The following ATP8A2 variants were observed in gnomAD, a reference collection of about 807,000 sequenced individuals.
The protein encoded by ATP8A2 is ATPase phospholipid transporting 8A2.
A neutral mutation model predicts 165.6 loss-of-function variants in ATP8A2; 100 were observed. That is an observed-to-expected ratio of 0.60 (90% confidence interval 0.51 to 0.71). The LOEUF (loss-of-function observed/expected upper bound fraction) is 0.71. Ranked by LOEUF, ATP8A2 falls within the 30% of genes least tolerant of loss-of-function variation. The pLI is 0.00. For missense variants in ATP8A2, 1,227 were observed against 1,479.5 expected (o/e 0.83, Z 2.80); for synonymous variants, 543 against 548.8 (o/e 0.99, Z 0.15).
intron 25 of ATP8A2, among the ~76,000 whole-genome samples, chr13:25,767,199 A>G (rs2044509922): frequency 6.6e-6 from 1 of 152,244 alleles, no homozygotes; most frequent in Non-Finnish European, 1.5e-5. Flanking sequence ...GGCTTTAAGT[A>G]GCAGTTGCAC....
chr13:25,503,157 C>T (rs929657816), intron 2 of ATP8A2, among the ~76,000 whole-genome samples: 2 of 152,178 alleles, frequency 1.3e-5, no homozygotes, highest in African/African-American at 4.8e-5. Flanking sequence ...TCACTCCTCA[C>T]CCCTCACTGT....
At chr13:25,440,896 A>G (rs942600781) in intron 1 of ATP8A2, among the ~76,000 whole-genome samples, 1 of 152,194 alleles carries the variant, frequency 6.6e-6, no homozygotes, top group Non-Finnish European at 1.5e-5. Flanking sequence ...GAGACCCTTG[A>G]CGTAGCTTTT....
At chr13:25,806,101 A>G (rs978823276) in intron 27 of ATP8A2, among the ~76,000 whole-genome samples, 14 of 152,154 alleles carry the variant, frequency 9.2e-5, no homozygotes, top group Non-Finnish European at 7.4e-5. Context: ...ACAAAGAAAC[A>G]TACGTAGGGC....
chr13:25,964,577 G>T (rs1955733922), intron 34 of ATP8A2, among the ~76,000 whole-genome samples: 1 of 152,186 alleles, frequency 6.6e-6, no homozygotes, highest in Non-Finnish European at 1.5e-5. Context: ...TTCTTCCCAT[G>T]CACTGAACAA....
At chr13:25,410,138 ACC>A (rs2033924493) in intron 1 of ATP8A2, among the ~76,000 whole-genome samples, 2 of 151,368 alleles carry the variant, frequency 1.3e-5, no homozygotes, top group South Asian at 4.2e-4. Context: ...TACCACATAA[ACC>A]CCATTAGCGT....
intron 24 of ATP8A2, among the ~76,000 whole-genome samples, chr13:25,669,110 G>T (rs970216185): frequency 2.0e-5 from 3 of 150,306 alleles, no homozygotes; most frequent in Non-Finnish European, 3.0e-5. Flanking sequence ...GGTATGCCTT[G>T]TAATTTTTTT....
intron 23 of ATP8A2, among the ~76,000 whole-genome samples, chr13:25,588,876 C>T (rs1204034939): frequency 2.0e-5 from 3 of 152,054 alleles, no homozygotes; most frequent in East Asian, 3.9e-4. Context: ...TCCTCGCCAC[C>T]GAGGGTGTGG....
chr13:25,473,261 T>C (rs1392830343), intron 2 of ATP8A2, among the ~76,000 whole-genome samples: 1 of 152,166 alleles, frequency 6.6e-6, no homozygotes, highest in Non-Finnish European at 1.5e-5. Context: ...TGATCTGAAG[T>C]CTGTGGTAGG....
chr13:25,792,163 A>G (rs760758895), intron 27 of ATP8A2, among the ~76,000 whole-genome samples: 1 of 152,228 alleles, frequency 6.6e-6, no homozygotes, highest in Non-Finnish European at 1.5e-5. Flanking sequence ...TTGCTAATCA[A>G]AAACTTCATG....
At chr13:25,854,579 G>A (rs1264407933) in intron 30 of ATP8A2, among the ~76,000 whole-genome samples, 4 of 152,182 alleles carry the variant, frequency 2.6e-5, no homozygotes, top group Non-Finnish European at 1.5e-5. Flanking sequence ...AGCCTCCTAA[G>A]TGCTGGGATT....
intron 1 of ATP8A2, among the ~76,000 whole-genome samples, chr13:25,449,428 G>A (rs2035154150): frequency 6.6e-6 from 1 of 152,170 alleles, no homozygotes; most frequent in Admixed American, 6.5e-5. Context: ...TGTGATTGTG[G>A]TTAGAGGCCA....
At chr13:25,757,503 A>ATGTGTGTGTG (rs113178441) in intron 25 of ATP8A2, among the ~76,000 whole-genome samples, 16 of 150,650 alleles carry the variant, frequency 1.1e-4, no homozygotes, top group South Asian at 2.1e-4. Context: ...ACGATATACT[A>ATGTGTGTGTG]TGTGTGTGTG....
intron 27 of ATP8A2, among the ~76,000 whole-genome samples, chr13:25,798,922 G>A (rs1950553907): frequency 6.6e-6 from 1 of 152,038 alleles, no homozygotes; most frequent in South Asian, 2.1e-4. Context: ...GGGAGGCTGA[G>A]GCAGGAGGAT....
At chr13:25,746,270 T>C (rs2044029976) in intron 25 of ATP8A2, among the ~76,000 whole-genome samples, 1 of 152,114 alleles carries the variant, frequency 6.6e-6, no homozygotes, top group South Asian at 2.1e-4. Flanking sequence ...AAGAAGGAAG[T>C]CTTGTTCATG....
At position 25,969,071 on chromosome 13, in the gene ATP8A2, G is replaced by A. The variant is rs116989165; in HGVS notation, c.3377+392G>A. Among the ~76,000 whole-genome samples, 510 of 152,338 alleles carry A rather than the reference G, an allele frequency of 3.3e-3. 10 individuals are homozygous for A. In the East Asian group the frequency reaches 0.037, roughly 11 times the overall value. On this transcript the variant is annotated intron_variant, in intron 35 of 36. Transcript: ENST00000381655. ...ATGAGTATCTACAGTGTGAAGGTTT[G>A]CATGTGAAATAATGCATGTTGTTAT...
intron 33 of ATP8A2, among the ~76,000 whole-genome samples, chr13:25,890,706 G>C (rs890413113): frequency 1.3e-5 from 2 of 152,134 alleles, no homozygotes; most frequent in Non-Finnish European, 2.9e-5. Flanking sequence ...AAATATTTGG[G>C]AATTCTTTTT....
rs116286362 is a variant in ATP8A2 at position 25,774,751 on chromosome 13, A to G, written c.2569-98A>G. 1,409 of 688,334 alleles carry G rather than the reference A, an allele frequency of 2.0e-3. 18 individuals carry two copies. The African/African-American group carries it at 0.022, about 11-fold the overall frequency. 42.6% of individuals were successfully genotyped at this position (688,334 alleles called of 1,614,324 possible). On this transcript the variant is annotated intron_variant, in intron 26 of 36. Coordinates refer to ENST00000381655, the MANE Select transcript of ATP8A2 (RefSeq NM_016529.6). ...ATTCCTGCGGAATCTGGTTTCCTCT[A>G]CCTACATTATCTGACTTCTGTTCAT...
chr13:25,529,747 G>C (rs527784450), intron 2 of ATP8A2, among the ~76,000 whole-genome samples: 2 of 152,124 alleles, frequency 1.3e-5, no homozygotes, highest in Admixed American at 6.6e-5. Context: ...CTTATGTTGT[G>C]TGAAAATTAA....
chr13:25,772,221 C>T (rs2044636920), intron 26 of ATP8A2, among the ~76,000 whole-genome samples: 1 of 152,232 alleles, frequency 6.6e-6, no homozygotes, highest in Admixed American at 6.5e-5. Flanking sequence ...ATCATTCCTG[C>T]CCCCTGCCCT....
Sources: allele counts gnomAD v4.1 joint callset (sites outside exome capture counted in the v4.1 genomes callset), GRCh38; gene constraint gnomAD v4.1.1; transcripts MANE v1.5; gene names NCBI Gene and HGNC (gene_info 2026-07-23, HGNC 2026-07-21).